CPEB3: variants seen among roughly 807,000 people sequenced by gnomAD.
CPEB3 encodes cytoplasmic polyadenylation element binding protein 3.
In CPEB3, 20 loss-of-function variants were observed where a neutral mutation model predicts 67.2. The observed-to-expected ratio is 0.30, with a 90% CI of 0.21 to 0.43. The LOEUF is 0.43. Among genes scored for constraint, CPEB3 ranks in the 20% least tolerant of loss-of-function variants. CPEB3 has a pLI of 1.00. For missense variants in CPEB3, 746 were observed against 968.6 expected (o/e 0.77, Z 3.05); for synonymous variants, 376 against 393.1 (o/e 0.96, Z 0.51).
chr10:92,187,775 T>C (rs898096741), intron 3 of CPEB3, among the ~76,000 whole-genome samples: 1 of 152,148 alleles, frequency 6.6e-6, no homozygotes, highest in East Asian at 1.9e-4. Context: ...ACACGATTAA[T>C]CCCCTTAATC....
intron 2 of CPEB3, among the ~76,000 whole-genome samples, chr10:92,217,579 T>C (rs1474548308): frequency 6.6e-6 from 1 of 151,406 alleles, no homozygotes; most frequent in Non-Finnish European, 1.5e-5. Flanking sequence ...ATGACCAACA[T>C]GGAGGAACCC....
chr10:92,241,733 T>G lies in CPEB3; in HGVS notation c.-11-1372A>C, dbSNP rs548591032. The stretch of plus-strand genomic sequence containing the variant: ...CAAAACCCGGAGACTGCCATACATG[T>G]AGTTAGCTTGTCCTTAGAACATGTT... On this transcript the variant is annotated intron_variant, in intron 1 of 9. Transcript: ENST00000265997. 2.0e-5 allele frequency among the ~76,000 whole-genome samples: 3 copies of G among 152,300 alleles called. No homozygotes were observed. In the East Asian group the frequency reaches 5.8e-4, roughly 29 times the overall value.
chr10:92,289,732 A>AAAAAAAAAAAAAAAAAAAT lies in CPEB3; in HGVS notation c.-12+1193_-12+1194insATTTTTTTTTTTTTTTTTT. Among the ~76,000 whole-genome samples the AAAAAAAAAAAAAAAAAAAT allele has an allele frequency of 1.3e-3, 98 of 75,754 alleles. 1 individual carries two copies. Among genetic ancestry groups the AAAAAAAAAAAAAAAAAAAT allele is most frequent in the Non-Finnish European group, 2.1e-3 (81 of 39,082 alleles). The allele number at this position is 75,754 out of a possible 152,430, so 49.7% of individuals were successfully genotyped here. A position where few individuals can be genotyped will look rare whatever the true frequency, so the allele number is the denominator to read the frequency against. On this transcript the variant is annotated intron_variant, in intron 1 of 9. Coordinates refer to ENST00000265997, the MANE Select transcript of CPEB3 (RefSeq NM_014912.5). ...CGCGTCTCTACCAAAAAAAAAAAAA[A>AAAAAAAAAAAAAAAAAAAT]ATATATATATATATATATATATATA...
At chr10:92,106,542 C>T (rs769843126) in intron 7 of CPEB3, among the ~76,000 whole-genome samples, 1 of 151,906 alleles carries the variant, frequency 6.6e-6, no homozygotes, top group Non-Finnish European at 1.5e-5. Flanking sequence ...AGGCCAGGTG[C>T]GGTGGCTCAC....
At chr10:92,256,254 C>G (rs1041917414) in intron 1 of CPEB3, among the ~76,000 whole-genome samples, 3 of 151,276 alleles carry the variant, frequency 2.0e-5, no homozygotes, top group Admixed American at 6.6e-5. Flanking sequence ...TAATGTCTCT[C>G]ATCTAGTATT....
At chr10:92,244,881 G>A (rs1363280029) in intron 1 of CPEB3, among the ~76,000 whole-genome samples, 1 of 152,140 alleles carries the variant, frequency 6.6e-6, no homozygotes, top group East Asian at 1.9e-4. Context: ...GTTTGTTCAC[G>A]TAGGCAGAAG....
chr10:92,226,071 T>G (rs138470151), intron 2 of CPEB3, among the ~76,000 whole-genome samples: 1 of 152,192 alleles, frequency 6.6e-6, no homozygotes, highest in Non-Finnish European at 1.5e-5. Context: ...CACTCCAGCC[T>G]GGGCAACGGA....
intron 4 of CPEB3, among the ~76,000 whole-genome samples, chr10:92,151,072 T>C (rs1352369380): frequency 6.6e-6 from 1 of 152,168 alleles, no homozygotes; most frequent in African/African-American, 2.4e-5. Context: ...CAAACAAGCT[T>C]GCAGGAAAAG....
At chr10:92,065,047 TACA>T (rs1842492970) in intron 9 of CPEB3, among the ~76,000 whole-genome samples, 1 of 152,206 alleles carries the variant, frequency 6.6e-6, no homozygotes, top group African/African-American at 2.4e-5. Flanking sequence ...AAGCTGTTGA[TACA>T]ACATTTTCAA....
At chr10:92,090,562 A>T (rs1440608092) in intron 8 of CPEB3, among the ~76,000 whole-genome samples, 1 of 152,196 alleles carries the variant, frequency 6.6e-6, no homozygotes, top group Non-Finnish European at 1.5e-5. Context: ...ACAAACAAAA[A>T]AACTAATTTG....
intron 6 of CPEB3, among the ~76,000 whole-genome samples, chr10:92,115,314 CG>C (rs1844963529): frequency 6.6e-6 from 1 of 152,138 alleles, no homozygotes; most frequent in African/African-American, 2.4e-5. Context: ...ACACCACACC[CG>C]ACTAATTTTT....
intron 3 of CPEB3, among the ~76,000 whole-genome samples, chr10:92,191,040 A>G (rs939383298): frequency 6.6e-6 from 1 of 152,194 alleles, no homozygotes; most frequent in Non-Finnish European, 1.5e-5. Context: ...CACAATCTTT[A>G]TTTTTTAGTT....
At chr10:92,085,645 A>G (rs779957191) in intron 8 of CPEB3, among the ~76,000 whole-genome samples, 1 of 151,732 alleles carries the variant, frequency 6.6e-6, no homozygotes, top group African/African-American at 2.4e-5. Flanking sequence ...ATCTCGCTCT[A>G]TCGCTCAGGC....
intron 1 of CPEB3, among the ~76,000 whole-genome samples, chr10:92,256,700 T>C (rs1250328506): frequency 1.3e-5 from 2 of 152,234 alleles, no homozygotes; most frequent in African/African-American, 4.8e-5. Context: ...TTAACTCTTC[T>C]ACACGTACTC....
In CPEB3 at chr10:92,264,972, C is replaced by A. The variant is rs151014889; in HGVS notation, c.-11-24611G>T. ...CCTGAGGTCAGGAGTTTGAGACCAG[C>A]CTGGCCAACATGGTGAAACTCCATC... is the stretch of plus-strand genomic sequence containing the variant. On this transcript the variant is annotated intron_variant, in intron 1 of 9. Transcript: ENST00000265997. Among the ~76,000 whole-genome samples the A allele has an allele frequency of 5.3e-3, 810 of 152,034 alleles. 8 individuals carry two copies. Among genetic ancestry groups the A allele is most frequent in the African/African-American group, 0.019 (772 of 41,464 alleles).
chr10:92,151,780 C>G (rs748140820), intron 4 of CPEB3, among the ~76,000 whole-genome samples: 4 of 152,158 alleles, frequency 2.6e-5, no homozygotes, highest in Admixed American at 1.3e-4. Context: ...TATTTACCCT[C>G]CAAGGTTAAT....
rs10882032 is a variant in CPEB3, at chr10:92,203,354, A to G, written c.1006-10718T>C. 2.2e-4 allele frequency among the ~76,000 whole-genome samples: 30 copies of G among 133,884 alleles called. 1 individual carries two copies. In the East Asian group the frequency reaches 5.7e-3, roughly 25 times the overall value. The allele number at this position is 133,884 out of a possible 152,430, so 87.8% of individuals were successfully genotyped here. On this transcript the variant is annotated intron_variant, in intron 2 of 9. Coordinates refer to ENST00000265997, the MANE Select transcript of CPEB3 (RefSeq NM_014912.5). ...TAAGAGATGATATATATATATATAT[A>G]TGTATATATATGTATATATGTATAT... is the stretch of plus-strand genomic sequence containing the variant.
intron 1 of CPEB3, among the ~76,000 whole-genome samples, chr10:92,276,100 G>C (rs570637630): frequency 2.0e-5 from 3 of 151,268 alleles, no homozygotes; most frequent in African/African-American, 4.9e-5. Flanking sequence ...CACCCGCCTC[G>C]ACCTCCCAAA....
At chr10:92,082,564 G>A (rs1379276431) in intron 8 of CPEB3, among the ~76,000 whole-genome samples, 7 of 152,132 alleles carry the variant, frequency 4.6e-5, no homozygotes, top group African/African-American at 1.7e-4. Context: ...ACAGGCATGA[G>A]CCACCATGCC....
Sources: allele counts gnomAD v4.1 joint callset (sites outside exome capture counted in the v4.1 genomes callset), GRCh38; gene constraint gnomAD v4.1.1; transcripts MANE v1.5; gene names NCBI Gene and HGNC (gene_info 2026-07-23, HGNC 2026-07-21).